PTPRO: variants seen among roughly 807,000 people sequenced by gnomAD.
PTPRO encodes protein tyrosine phosphatase receptor type O.
PTPRO carries 62 observed loss-of-function variants against 145.2 expected under a neutral mutation model. That is an observed-to-expected ratio of 0.43 (90% CI 0.35 to 0.53). PTPRO has a LOEUF of 0.53. PTPRO is among the 20% of genes least tolerant of loss of function. PTPRO has a pLI of 0.01. For missense variants in PTPRO, 1,345 were observed against 1,482.7 expected (o/e 0.91, Z 1.53); for synonymous variants, 565 against 514.7 (o/e 1.10, Z -1.32).
intron 2 of PTPRO, among the ~76,000 whole-genome samples, chr12:15,491,744 A>C (rs1285840865): frequency 2.0e-5 from 3 of 152,220 alleles, no homozygotes; most frequent in Admixed American, 1.3e-4. Flanking sequence ...AAGCCACAAT[A>C]GTTCTCTAAG....
chr12:15,569,599 C>T, intron 19 of PTPRO, 101 bp downstream of exon 19: 3 of 1,048,106 alleles, frequency 2.9e-6, no homozygotes, highest in Non-Finnish European at 4.4e-6. Context: ...CAGTGCGTAA[C>T]AAAAAGGGTA....
rs1350580054 is a variant in PTPRO, at chr12:15,589,355, AACAG to A, written c.3411-98_3411-95del. On this transcript the variant is annotated intron_variant, in intron 24 of 26. Coordinates refer to ENST00000281171, the MANE Select transcript of PTPRO (RefSeq NM_030667.3). ...CATGCCATTGCACTCCAGCCTGGGC[AACAG>A]AGCAAGACTCCATCTCAAAGAAAAA... 24 of 1,535,624 alleles carry A rather than the reference AACAG, an allele frequency of 1.6e-5. No homozygotes were observed. In the Admixed American group the frequency reaches 3.2e-4, roughly 21 times the overall value.
In PTPRO at chr12:15,515,527, T is replaced by C; in HGVS notation, c.1494T>C (p.Asn498=). 1 of 1,613,958 alleles carries C rather than the reference T, an allele frequency of 6.2e-7. No homozygotes were observed. The highest frequency in any genetic ancestry group is 8.5e-7 in the Non-Finnish European group (1 of 1,179,896). The change falls in exon 8 of 27, where the codon AAT becomes AAC. Residue 498 remains asparagine, a synonymous_variant. Coordinates refer to ENST00000281171, the MANE Select transcript of PTPRO (RefSeq NM_030667.3). ...ACTCAAGCAAACCTATTATTGAAAA[T>C]CTGGTTCCTGGTGCCCAGTACCAGG... ...QVNSSKPIIE[N]LVPGAQYQVV... is the part of the protein sequence containing the mutation.
At chr12:15,557,177 A>T (rs1182036844) in intron 15 of PTPRO, among the ~76,000 whole-genome samples, 2 of 151,922 alleles carry the variant, frequency 1.3e-5, no homozygotes, top group South Asian at 2.1e-4. Context: ...AGTAGCTGGG[A>T]TTACAGGCAA....
At chr12:15,514,472 A>C (rs1170681434) in intron 7 of PTPRO, among the ~76,000 whole-genome samples, 5,428 of 147,910 alleles carry the variant, frequency 0.037, 130 homozygotes, top group East Asian at 0.086. Flanking sequence ...AAAAAAAAAA[A>C]AGAAAGAACA....
intron 1 of PTPRO, among the ~76,000 whole-genome samples, chr12:15,377,518 A>G (rs1938723824): frequency 6.9e-6 from 1 of 145,490 alleles, no homozygotes. Flanking sequence ...TGAGAATTAA[A>G]GGAAAAATAT....
intron 1 of PTPRO, among the ~76,000 whole-genome samples, chr12:15,450,507 C>T (rs149903210): frequency 0.023 from 3,469 of 152,302 alleles, 149 homozygotes; most frequent in African/African-American, 0.078. Flanking sequence ...GGCATGGTGG[C>T]TCATGCCTGT....
At chr12:15,334,581 T>C (rs1866702815) in intron 1 of PTPRO, among the ~76,000 whole-genome samples, 1 of 152,174 alleles carries the variant, frequency 6.6e-6, no homozygotes, top group Non-Finnish European at 1.5e-5. Context: ...CACTGATCTA[T>C]ATCCATAGTC....
intron 1 of PTPRO, among the ~76,000 whole-genome samples, chr12:15,405,293 G>A (rs2136304723): frequency 6.6e-6 from 1 of 152,318 alleles, no homozygotes; most frequent in Admixed American, 6.5e-5. Flanking sequence ...GGGATCCTGA[G>A]TTTTAGAAAG....
chr12:15,552,795 C>CTTTTTTTT (rs747379253), intron 15 of PTPRO, among the ~76,000 whole-genome samples: 16 of 91,568 alleles, frequency 1.7e-4, no homozygotes, highest in Non-Finnish European at 2.0e-4. Flanking sequence ...GAGGTCAAAT[C>CTTTTTTTT]TTTTTTTTTT....
At chr12:15,401,866 T>A (rs1427997976) in intron 1 of PTPRO, among the ~76,000 whole-genome samples, 4 of 152,232 alleles carry the variant, frequency 2.6e-5, no homozygotes, top group Non-Finnish European at 5.9e-5. Flanking sequence ...TAAAATTTGT[T>A]AGAGTATAAA....
chr12:15,366,357 A>AG (rs79736924), intron 1 of PTPRO, among the ~76,000 whole-genome samples: 2 of 151,950 alleles, frequency 1.3e-5, no homozygotes, highest in Non-Finnish European at 2.9e-5. Flanking sequence ...TAGCTGAGTG[A>AG]GGGGGGGAAA....
chr12:15,465,151 C>G lies in PTPRO; in HGVS notation c.76-18823C>G, dbSNP rs74070710. ...TTCACTTGGTGCAATAAGTTGAATA[C>G]TGTCTTTTTACAGCTGTTCTCAAAG... On this transcript the variant is annotated intron_variant, in intron 1 of 26. Transcript: ENST00000281171. Among the ~76,000 whole-genome samples the G allele has an allele frequency of 2.4e-3, 367 of 152,312 alleles. 3 individuals carry two copies. The highest frequency in any genetic ancestry group is 8.5e-3 in the African/African-American group (353 of 41,582).
At chr12:15,532,387 T>C (rs1591695144) in intron 12 of PTPRO, among the ~76,000 whole-genome samples, 2 of 152,188 alleles carry the variant, frequency 1.3e-5, no homozygotes, top group South Asian at 2.1e-4. Context: ...TTTACACTTA[T>C]GGTGGATTTT....
chr12:15,477,904 C>CCACA (rs1342266603), intron 1 of PTPRO, among the ~76,000 whole-genome samples: 1 of 152,182 alleles, frequency 6.6e-6, no homozygotes, highest in East Asian at 1.9e-4. Flanking sequence ...TGACCCACCA[C>CCACA]CACACTATAC....
At chr12:15,352,080 C>T (rs1937821694) in intron 1 of PTPRO, among the ~76,000 whole-genome samples, 1 of 152,142 alleles carries the variant, frequency 6.6e-6, no homozygotes, top group South Asian at 2.1e-4. Context: ...TTTGAGGAAG[C>T]ACCTCATTAT....
rs1944501038 is a variant in PTPRO, at chr12:15,589,494, C to T, written c.3450C>T (p.Asp1150=). Residue 1150 remains aspartate (D), a synonymous_variant, in exon 25 of 27, where the codon GAC becomes GAT. Coordinates refer to ENST00000281171, the MANE Select transcript of PTPRO (RefSeq NM_030667.3). The part of the protein sequence containing the change: ...VGRTGTFIAL[D]RLLQHIRDHE... ...GGACAGGAACATTCATTGCCCTGGA[C>T]AGGCTCTTGCAGCACATTCGGGATC... 1 of 1,614,088 alleles carries T rather than the reference C, an allele frequency of 6.2e-7. No individual in the cohort carries two copies. Among genetic ancestry groups the T allele is most frequent in the Non-Finnish European group, 8.5e-7 (1 of 1,180,014 alleles).
chr12:15,584,851 A>T (rs936563771), intron 23 of PTPRO, among the ~76,000 whole-genome samples: 2 of 152,238 alleles, frequency 1.3e-5, no homozygotes, highest in African/African-American at 4.8e-5. Flanking sequence ...AGAGAAATTT[A>T]GGAATAGCTA....
intron 1 of PTPRO, among the ~76,000 whole-genome samples, chr12:15,415,433 G>T (rs530680666): frequency 6.6e-6 from 1 of 150,774 alleles, no homozygotes; most frequent in Admixed American, 6.6e-5. Context: ...CGCCCAGGCT[G>T]GAGTGCAGTG....
Sources: allele counts gnomAD v4.1 joint callset (sites outside exome capture counted in the v4.1 genomes callset), GRCh38; gene constraint gnomAD v4.1.1; transcripts MANE v1.5; gene names NCBI Gene and HGNC (gene_info 2026-07-23, HGNC 2026-07-21).